Variants in GNAL observed in about 807,000 individuals in gnomAD.
GNAL encodes guanine nucleotide-binding protein G(olf) subunit alpha.
In GNAL, 18 loss-of-function variants were observed where a neutral mutation model predicts 55.1. That is an observed-to-expected ratio of 0.33 (90% CI 0.23 to 0.48). The LOEUF (loss-of-function observed/expected upper bound fraction) is 0.48. Among genes scored for constraint, GNAL ranks in the 20% least tolerant of loss-of-function variants. The pLI, the probability that GNAL is intolerant of heterozygous loss-of-function variation, is 0.99. For missense variants in GNAL, 412 were observed against 614.1 expected, an observed-to-expected ratio of 0.67 and a Z score of 3.48; for synonymous variants, 253 against 237.0, an observed-to-expected ratio of 1.07 and a Z score of -0.62.
chr18:11,880,880 A>G, intron 11 of GNAL, 109 bp from the exon 12 acceptor site: 1 of 1,153,286 alleles, frequency 8.7e-7, no homozygotes, highest in Non-Finnish European at 1.2e-6. Context: ...ATGCAAAACA[A>G]GCAGGCCACT....
At chr18:11,709,275 A>G (rs1206192804) in intron 1 of GNAL, among the ~76,000 whole-genome samples, 9 of 147,508 alleles carry the variant, frequency 6.1e-5, no homozygotes, top group Non-Finnish European at 1.3e-4. Context: ...TACTTTGTCT[A>G]CTTGGGGTCC....
intron 1 of GNAL, among the ~76,000 whole-genome samples, chr18:11,696,943 G>A (rs550213848): frequency 2.6e-4 from 39 of 152,284 alleles, no homozygotes; most frequent in African/African-American, 9.1e-4. Context: ...GACCTTGTCC[G>A]AGGCCCTTAG....
At chr18:11,706,321 T>A (rs1468141152) in intron 1 of GNAL, among the ~76,000 whole-genome samples, 2 of 151,938 alleles carry the variant, frequency 1.3e-5, no homozygotes, top group African/African-American at 2.4e-5. Context: ...TCACATCATG[T>A]CTTAAAAAAA....
At chr18:11,730,002 A>G (rs573518534) in intron 1 of GNAL, among the ~76,000 whole-genome samples, 11 of 152,212 alleles carry the variant, frequency 7.2e-5, no homozygotes, top group East Asian at 3.9e-4. Context: ...TTAGTTGGCA[A>G]TGGGTTGAAA....
chr18:11,822,829 T>TTCTTTTTC (rs1159729350), intron 4 of GNAL, among the ~76,000 whole-genome samples: 5 of 146,578 alleles, frequency 3.4e-5, no homozygotes, highest in Non-Finnish European at 7.5e-5. Context: ...TCTTTTTTTT[T>TTCTTTTTC]TTTTTTTTTT....
intron 1 of GNAL, chr18:11,746,225 G>A: frequency 2.0e-6 from 1 of 512,172 alleles, no homozygotes; most frequent in South Asian, 1.5e-5. Context: ...ACCTCTGCAT[G>A]CCTTCTGTAA....
chr18:11,822,063 T>C lies in GNAL; in HGVS notation c.625-2855T>C, dbSNP rs556990357. Among the ~76,000 whole-genome samples the C allele has an allele frequency of 2.6e-5, 4 of 152,198 alleles. No individual in the cohort carries two copies. The South Asian group carries it at 6.2e-4, about 24-fold the overall frequency. On this transcript the variant is annotated intron_variant, in intron 4 of 11. Transcript: ENST00000334049. ...TCCGCCTGCCAGGAGGTCTTGTGCG[T>C]GCAGAGCGGCGGATGCGTGTGGCAC...
At position 11,752,290 on chromosome 18, in the gene GNAL, A is replaced by G. The variant is rs778834655; in HGVS notation, c.377-563A>G. 25 of 1,440,752 alleles carry G rather than the reference A, an allele frequency of 1.7e-5. No individual in the cohort carries two copies. The highest frequency in any genetic ancestry group is 2.3e-5 in the Non-Finnish European group (25 of 1,100,198). The allele number at this position is 1,440,752 out of a possible 1,614,324, so 89.2% of individuals were successfully genotyped here. On this transcript the variant is annotated intron_variant, in intron 1 of 11. Coordinates refer to ENST00000334049, the MANE Select transcript of GNAL (RefSeq NM_182978.4). The surrounding 1 kb of genome is among the most constrained non-coding windows in gnomAD (Gnocchi z 4.5). ...GGAGGGAGAAGAAACGCCTGCTCTGAATCGGAAAACACCGAAGAGACCAGA... is the reference window on the plus strand; with the variant it reads ...GGAGGGAGAAGAAACGCCTGCTCTGGATCGGAAAACACCGAAGAGACCAGA...
At position 11,882,194 on chromosome 18, in the gene GNAL, C is replaced by A. The variant is rs1013945317; in HGVS notation, c.*1059C>A. On this transcript the variant is annotated 3_prime_UTR_variant, in exon 12 of 12. Coordinates refer to ENST00000334049, the MANE Select transcript of GNAL (RefSeq NM_182978.4). The stretch of plus-strand genomic sequence containing the variant: ...CTTCTCTGAGCTGTAAAAACCTGAA[C>A]TCAATTCAGGGGTACAAATTGCAAT... The A allele has an allele frequency of 2.0e-5, 3 of 152,176 alleles. No homozygotes were observed. Among genetic ancestry groups the A allele is most frequent in the South Asian group, 2.1e-4 (1 of 4,828 alleles). 9.4% of individuals were successfully genotyped at this position (152,176 alleles called of 1,614,324 possible).
chr18:11,697,207 T>A (rs1417119436), intron 1 of GNAL, among the ~76,000 whole-genome samples: 1 of 152,160 alleles, frequency 6.6e-6, no homozygotes, highest in Non-Finnish European at 1.5e-5. Context: ...CCAGTGACTG[T>A]GAGGCCAGCT....
Position 11,733,866 on chromosome 18 carries a change from A to G in GNAL, c.377-18987A>G, listed in dbSNP as rs148901643. Among the ~76,000 whole-genome samples, 1,275 of 144,538 alleles carry G rather than the reference A, an allele frequency of 8.8e-3. 18 individuals are homozygous for G. The highest frequency in any genetic ancestry group is 0.033 in the African/African-American group (1,209 of 37,108). 94.8% of individuals were successfully genotyped at this position (144,538 alleles called of 152,430 possible). A position where few individuals can be genotyped will look rare whatever the true frequency, so the allele number is the denominator to read the frequency against. ...AACTGCACTTGTATCCCCTATGTCT[A>G]TCACTGAAAAAAAAAAAAAAAAAAA... is the stretch of plus-strand genomic sequence containing the variant. On this transcript the variant is annotated intron_variant, in intron 1 of 11. Transcript: ENST00000334049.
At chr18:11,707,775 C>G (rs571803441) in intron 1 of GNAL, among the ~76,000 whole-genome samples, 1 of 152,342 alleles carries the variant, frequency 6.6e-6, no homozygotes, top group East Asian at 1.9e-4. Flanking sequence ...GTAGCCACTT[C>G]TCATCAGTGA....
rs2037092318 is a variant in GNAL, at chr18:11,885,575, CT to C, written c.*4444del. 1 of 1,421,022 alleles carries C rather than the reference CT, an allele frequency of 7.0e-7. No individual in the cohort carries two copies. The highest frequency in any genetic ancestry group is 2.0e-5 in the Admixed American group (1 of 51,160). 88.0% of individuals were successfully genotyped at this position (1,421,022 alleles called of 1,614,324 possible). On this transcript the variant is annotated 3_prime_UTR_variant, in exon 12 of 12. Coordinates refer to ENST00000334049, the MANE Select transcript of GNAL (RefSeq NM_182978.4). ...TAGAAGGAGAGAAATTTGTGTGTGG[CT>C]TTTGTAAATTTTGACCGATTGCAGC...
intron 1 of GNAL, among the ~76,000 whole-genome samples, chr18:11,729,288 C>G (rs540458984): frequency 6.6e-6 from 1 of 152,190 alleles, no homozygotes; most frequent in East Asian, 1.9e-4. Flanking sequence ...TCTTAGCGCT[C>G]CTCTTGCCCC....
intron 4 of GNAL, among the ~76,000 whole-genome samples, chr18:11,788,528 A>G (rs2034123465): frequency 6.6e-6 from 1 of 152,168 alleles, no homozygotes; most frequent in Admixed American, 6.5e-5. Context: ...TATGTTTACA[A>G]TTCAGAACAA....
intron 4 of GNAL, among the ~76,000 whole-genome samples, chr18:11,813,259 A>AAAAAAAAAG (rs908150605): frequency 6.6e-6 from 1 of 151,644 alleles, no homozygotes; most frequent in Non-Finnish European, 1.5e-5. Flanking sequence ...CATCTTAAAA[A>AAAAAAAAAG]AAAGAAAAAA....
At chr18:11,773,799 A>G (rs556355460) in intron 4 of GNAL, among the ~76,000 whole-genome samples, 7 of 152,294 alleles carry the variant, frequency 4.6e-5, no homozygotes, top group Admixed American at 3.9e-4. Flanking sequence ...AAAATCTCAC[A>G]ATAGTTTTAC....
At chr18:11,764,099 G>A (rs548082717) in intron 4 of GNAL, among the ~76,000 whole-genome samples, 1 of 150,738 alleles carries the variant, frequency 6.6e-6, no homozygotes, top group Non-Finnish European at 1.5e-5. Context: ...CAAATATCCT[G>A]TTTTTTTGTT....
At chr18:11,722,278 T>C (rs565162799) in intron 1 of GNAL, among the ~76,000 whole-genome samples, 87 of 152,362 alleles carry the variant, frequency 5.7e-4, no homozygotes, top group African/African-American at 2.0e-3. Flanking sequence ...AATGAGCCAC[T>C]CAGAAACTTA....
Sources: gnomAD v4.1 joint callset for allele counts (sites outside exome capture counted in the v4.1 genomes callset) on GRCh38, gnomAD v4.1.1 for gene constraint, Gnocchi (gnomAD v3.1) non-coding constraint, MANE v1.5 for transcripts, NCBI Gene and HGNC (gene_info 2026-07-23, HGNC 2026-07-21) for gene names.